TBC1D1: variants seen among roughly 807,000 people sequenced by gnomAD.
TBC1D1 encodes TBC1 (tre-2/USP6, BUB2, cdc16) domain family, member 1.
TBC1D1 carries 89 observed loss-of-function variants against 125.6 expected under a neutral mutation model. That is an observed-to-expected ratio of 0.71 (90% CI 0.60 to 0.85). TBC1D1 has a LOEUF of 0.85. TBC1D1 is among the 40% of genes least tolerant of loss of function. TBC1D1 has a pLI of 0.00. For synonymous variants in TBC1D1, 565 were observed against 564.1 expected, an observed-to-expected ratio of 1.00 and a Z score of -0.02; for missense variants, 1,377 against 1,469.2, an observed-to-expected ratio of 0.94 and a Z score of 1.03.
intron 7 of TBC1D1, among the ~76,000 whole-genome samples, chr4:38,032,323 A>C (rs555799432): frequency 5.8e-4 from 88 of 152,098 alleles, no homozygotes; most frequent in African/African-American, 1.5e-3. Context: ...TGTCTCCCCC[A>C]AAAAAAGAAA....
In TBC1D1 at chr4:37,902,303, C is replaced by G. The variant is rs1428061287; in HGVS notation, c.208C>G (p.Pro70Ala). 6.2e-7 allele frequency: 1 copy of G among 1,614,086 alleles called. No individual in the cohort carries two copies. The highest frequency in any genetic ancestry group is 1.7e-5 in the Admixed American group (1 of 60,010). Residue 70 changes from proline to alanine, a missense_variant, in exon 2 of 20, where the codon CCC (proline) becomes GCC (alanine). Transcript: ENST00000261439. ...CAAGCAAGTCCGGCTTTGCGTTTCACCCTCTGGACTGAGATGTGAACCTGA... is the reference window on the plus strand; with the variant it reads ...CAAGCAAGTCCGGCTTTGCGTTTCAGCCTCTGGACTGAGATGTGAACCTGA...
Position 38,014,385 on chromosome 4 carries a change from GCTCCTC to G in TBC1D1, c.418-119_418-114del. 1.1e-6 allele frequency: 1 copy of G among 886,208 alleles called. No homozygotes were observed. The highest frequency in any genetic ancestry group is 2.6e-5 in the East Asian group (1 of 38,666). 54.9% of individuals were successfully genotyped at this position (886,208 alleles called of 1,614,324 possible). Reference sequence around the variant, plus strand: ...CTCCCGTGGGCTCCTCCTCCAGTGGGCTCCTCCTCCAGTGCTCCGCAGTGGAGTAGC... The same window carrying G: ...CTCCCGTGGGCTCCTCCTCCAGTGGGCTCCAGTGCTCCGCAGTGGAGTAGC... On this transcript the variant is annotated intron_variant, in intron 2 of 19. Coordinates refer to ENST00000261439, the MANE Select transcript of TBC1D1 (RefSeq NM_015173.4). The surrounding 1 kb of genome is among the most constrained non-coding windows in gnomAD (Gnocchi z 5.1).
intron 2 of TBC1D1, among the ~76,000 whole-genome samples, chr4:37,906,966 T>C (rs1339524427): frequency 2.0e-5 from 3 of 152,244 alleles, no homozygotes; most frequent in Non-Finnish European, 4.4e-5. Flanking sequence ...AACTCAGATA[T>C]TGTAAAGATA....
chr4:38,111,913 C>G (rs1762264203), intron 15 of TBC1D1: 1 of 985,236 alleles, frequency 1.0e-6, no homozygotes, highest in Non-Finnish European at 1.2e-6. Context: ...CAGCTGTTCC[C>G]CAGCCTGGTA....
rs116232906 is a variant in TBC1D1, at chr4:38,119,076, A to G, written c.2962+884A>G. Among the ~76,000 whole-genome samples the G allele has an allele frequency of 1.2e-3, 181 of 152,258 alleles. 1 individual carries two copies. Among genetic ancestry groups the G allele is most frequent in the African/African-American group, 4.1e-3 (171 of 41,548 alleles). On this transcript the variant is annotated intron_variant, in intron 17 of 19. Transcript: ENST00000261439. ...TTTATTGTAAAGGAGGAGGCTACTA[A>G]AAAAATGATAGTTATTATATATCAA...
At chr4:37,920,439 G>A (rs1720713704) in intron 2 of TBC1D1, among the ~76,000 whole-genome samples, 1 of 152,172 alleles carries the variant, frequency 6.6e-6, no homozygotes, top group South Asian at 2.1e-4. Flanking sequence ...TGTGAGCTGG[G>A]GAGTGCAGAA....
At chr4:38,043,004 C>T (rs1034199835) in intron 8 of TBC1D1, among the ~76,000 whole-genome samples, 41 of 152,044 alleles carry the variant, frequency 2.7e-4, no homozygotes, top group African/African-American at 8.9e-4. Flanking sequence ...TGAGTTCAAG[C>T]GATTCTCCTG....
chr4:38,002,772 T>A, intron 2 of TBC1D1, among the ~76,000 whole-genome samples: 1 of 152,216 alleles, frequency 6.6e-6, no homozygotes, highest in East Asian at 1.9e-4. Context: ...TTAAAAATTA[T>A]GGGTGGCCAT....
At chr4:37,957,122 T>C (rs1484203007) in intron 2 of TBC1D1, among the ~76,000 whole-genome samples, 1 of 152,094 alleles carries the variant, frequency 6.6e-6, no homozygotes, top group Non-Finnish European at 1.5e-5. Context: ...ACTCCCTACG[T>C]GAGATGGGAG....
intron 11 of TBC1D1, among the ~76,000 whole-genome samples, chr4:38,051,435 A>G (rs1353185837): frequency 6.6e-6 from 1 of 152,196 alleles, no homozygotes; most frequent in Non-Finnish European, 1.5e-5. Context: ...ACTTTAATTA[A>G]AAATTTTTTT....
At chr4:37,909,940 T>G (rs978356387) in intron 2 of TBC1D1, among the ~76,000 whole-genome samples, 6 of 152,188 alleles carry the variant, frequency 3.9e-5, no homozygotes, top group African/African-American at 1.2e-4. Context: ...TGGCAGGAAT[T>G]TTTTCGTCTA....
chr4:37,910,997 A>G (rs924491501), intron 2 of TBC1D1, among the ~76,000 whole-genome samples: 1 of 151,764 alleles, frequency 6.6e-6, no homozygotes, highest in African/African-American at 2.4e-5. Flanking sequence ...TGCCTACTAG[A>G]TAATTTTAAA....
intron 16 of TBC1D1, 82 bp downstream of exon 18, chr4:38,116,036 T>C (rs1380592210): frequency 2.4e-5 from 35 of 1,485,928 alleles, no homozygotes; most frequent in Non-Finnish European, 3.2e-5. Context: ...CTCAGGAGCT[T>C]TTTCACCGTC....
intron 2 of TBC1D1, among the ~76,000 whole-genome samples, chr4:37,923,449 A>C (rs936211374): frequency 9.8e-5 from 15 of 152,298 alleles, no homozygotes; most frequent in Admixed American, 6.5e-5. Flanking sequence ...AATGATTTAT[A>C]ATCCTTTGGG....
intron 12 of TBC1D1, among the ~76,000 whole-genome samples, chr4:38,068,057 C>G (rs1208794073): frequency 6.6e-6 from 1 of 152,182 alleles, no homozygotes; most frequent in African/African-American, 2.4e-5. Context: ...GTGACACCCT[C>G]GAGCTTGGCT....
At chr4:37,946,228 A>C (rs1338546358) in intron 2 of TBC1D1, among the ~76,000 whole-genome samples, 31 of 152,256 alleles carry the variant, frequency 2.0e-4, no homozygotes, top group Admixed American at 1.6e-3. Context: ...TAACAAAATT[A>C]CAGTTACCTA....
At chr4:38,048,705 A>G (rs1456722955) in intron 10 of TBC1D1, among the ~76,000 whole-genome samples, 1 of 152,102 alleles carries the variant, frequency 6.6e-6, no homozygotes, top group Non-Finnish European at 1.5e-5. Context: ...AACAATTTCA[A>G]TAGGAGCAAG....
At chr4:38,096,219 A>G in intron 14 of TBC1D1, 129 bp downstream of exon 16, 2 of 705,438 alleles carry the variant, frequency 2.8e-6, no homozygotes, top group Non-Finnish European at 4.8e-6. Flanking sequence ...ATCTTAATCT[A>G]TTTCCATATA....
chr4:37,943,775 T>G (rs937259756), intron 2 of TBC1D1, among the ~76,000 whole-genome samples: 1 of 152,212 alleles, frequency 6.6e-6, no homozygotes, highest in African/African-American at 2.4e-5. Context: ...TTGCGATGGG[T>G]TCAAACTTCC....
Sources: gnomAD v4.1 joint callset for allele counts (sites outside exome capture counted in the v4.1 genomes callset) on GRCh38, gnomAD v4.1.1 for gene constraint, Gnocchi (gnomAD v3.1) non-coding constraint, MANE v1.5 for transcripts, NCBI Gene and HGNC (gene_info 2026-07-23, HGNC 2026-07-21) for gene names.